The following DNAH17 variants were observed in gnomAD, a reference collection of about 807,000 sequenced individuals.
DNAH17 encodes the protein axonemal beta dynein heavy chain 17.
In DNAH17, 376 loss-of-function variants were observed where a neutral mutation model predicts 485.6. The observed-to-expected ratio is 0.77, with a 90% CI of 0.71 to 0.84. The LOEUF is 0.84. Among genes scored for constraint, DNAH17 ranks in the 40% least tolerant of loss-of-function variants. The pLI is 0.00. For missense variants in DNAH17, 6,370 were observed against 5,839.3 expected, an observed-to-expected ratio of 1.09 and a Z score of -2.96; for synonymous variants, 3,031 against 2,405.9, an observed-to-expected ratio of 1.26 and a Z score of -7.60.
chr17:78,553,720 T>C (rs1267732997), intron 14 of DNAH17, among the ~76,000 whole-genome samples: 2 of 152,250 alleles, frequency 1.3e-5, no homozygotes, highest in Non-Finnish European at 1.5e-5. Context: ...GGTTACTGTT[T>C]TATGTTATAG....
rs771994818 is a variant in DNAH17, at chr17:78,450,396, T to C, written c.10900-2A>G. 10 of 1,613,556 alleles carry C rather than the reference T, an allele frequency of 6.2e-6. No homozygotes were observed. Among genetic ancestry groups the C allele is most frequent in the Non-Finnish European group, 8.5e-6 (10 of 1,179,826 alleles). ...TTCTGTGATTTTTGCCTCCACCACC[T>C]CGACACAAACAAAAGGGGTGTGAAT... is the stretch of plus-strand genomic sequence containing the variant. On this transcript the variant is annotated splice_acceptor_variant, in intron 67 of 80. Coordinates refer to ENST00000389840, the MANE Select transcript of DNAH17 (RefSeq NM_173628.4). LOFTEE classifies it high-confidence loss of function.
intron 19 of DNAH17, among the ~76,000 whole-genome samples, chr17:78,536,535 G>C (rs910674678): frequency 1.3e-5 from 2 of 151,810 alleles, no homozygotes; most frequent in Non-Finnish European, 2.9e-5. Context: ...ACATCACCAA[G>C]CTGGGCTTGG....
rs999383000 is a variant in DNAH17 at position 78,461,581 on chromosome 17, G to T, written c.9302C>A (p.Ala3101Asp). 2.5e-6 allele frequency: 4 copies of T among 1,604,060 alleles called. No individual in the cohort carries two copies. Among genetic ancestry groups the T allele is most frequent in the East Asian group, 4.5e-5 (2 of 44,458 alleles). The change falls in exon 58 of 81, where the codon GCT becomes GAT. Residue 3101 changes from alanine (A) to aspartate (D), a missense_variant. Transcript: ENST00000389840. Reference sequence around the variant, plus strand: ...CTCGACCTTGACTTCTTCCTGGTCAGCAATGGCCTTCTCTTTGCTGACCTT... The same window carrying T: ...CTCGACCTTGACTTCTTCCTGGTCATCAATGGCCTTCTCTTTGCTGACCTT... The part of the protein sequence containing the change: ...AEKVSKEKAI[A>D]DQEEVKVEVI...
At chr17:78,488,511 G>GA (rs2089711450) in intron 44 of DNAH17, among the ~76,000 whole-genome samples, 1 of 152,128 alleles carries the variant, frequency 6.6e-6, no homozygotes, top group South Asian at 2.1e-4. Context: ...TCCCCCTGAG[G>GA]ACTCCACGAT....
intron 62 of DNAH17, among the ~76,000 whole-genome samples, chr17:78,456,907 G>A (rs1231127411): frequency 6.6e-6 from 1 of 152,232 alleles, no homozygotes; most frequent in Non-Finnish European, 1.5e-5. Context: ...AGAAAACACA[G>A]CTTGCAGGCC....
chr17:78,492,060 C>G (rs1328413595), intron 42 of DNAH17, among the ~76,000 whole-genome samples: 1 of 152,090 alleles, frequency 6.6e-6, no homozygotes, highest in Non-Finnish European at 1.5e-5. Flanking sequence ...GAAAGCGGGT[C>G]AGGGGTAGGG....
chr17:78,501,781 C>T lies in DNAH17; in HGVS notation c.5283G>A (p.Val1761=), dbSNP rs945053821. ...TTTTGGCCACCACGTCCCGTGCGTGCACATCGATGGTGCAGATGGTCATGA... is the reference window on the plus strand; with the variant it reads ...TTTTGGCCACCACGTCCCGTGCGTGTACATCGATGGTGCAGATGGTCATGA... ...MKIMTICTID[V]HARDVVAKMI... is the part of the protein sequence containing the mutation. Residue 1761 remains valine (V), a synonymous_variant, in exon 34 of 81, where the codon GTG becomes GTA. Transcript: ENST00000389840. 2 of 1,613,800 alleles carry T rather than the reference C, an allele frequency of 1.2e-6. No individual in the cohort carries two copies. Among genetic ancestry groups the T allele is most frequent in the African/African-American group, 1.3e-5 (1 of 74,942 alleles).
chr17:78,500,373 T>TG lies in DNAH17; in HGVS notation c.5571dup (p.Lys1858GlnfsTer42). 1.2e-6 allele frequency: 2 copies of TG among 1,612,622 alleles called. No homozygotes were observed. Among genetic ancestry groups the TG allele is most frequent in the Non-Finnish European group, 1.7e-6 (2 of 1,179,454 alleles). ...GTGCCCAGGGCTCTGCCCAGGTCCT[T>TG]GGTCGTCTCAGTCTTGCCGGTCCCA... is the stretch of plus-strand genomic sequence containing the variant. On this transcript the variant is annotated frameshift_variant, in exon 36 of 81. Transcript: ENST00000389840. LOFTEE classifies it high-confidence loss of function.
chr17:78,546,171 C>T (rs1307152503), intron 16 of DNAH17, among the ~76,000 whole-genome samples: 1 of 152,154 alleles, frequency 6.6e-6, no homozygotes, highest in Non-Finnish European at 1.5e-5. Context: ...AGCAATACTC[C>T]TGCTTGGGCT....
In DNAH17 at chr17:78,502,065, G is replaced by A. The variant is rs1387947945; in HGVS notation, c.5191-192C>T. 4.2e-5 allele frequency: 29 copies of A among 695,100 alleles called. 2 individuals are homozygous for A. The highest frequency in any genetic ancestry group is 2.7e-4 in the South Asian group (14 of 51,410). The allele number at this position is 695,100 out of a possible 1,614,324, so 43.1% of individuals were successfully genotyped here. A position where few individuals can be genotyped will look rare whatever the true frequency, so the allele number is the denominator to read the frequency against. ...AGGGTGCGGCCCTGATGGGACACCT[G>A]GCAGTGGCTAGCATGGACGTAGTAG... On this transcript the variant is annotated intron_variant, in intron 33 of 80. Coordinates refer to ENST00000389840, the MANE Select transcript of DNAH17 (RefSeq NM_173628.4).
rs765927895 is a variant in DNAH17, at chr17:78,510,417, C to T, written c.4203G>A (p.Val1401=). The change falls in exon 27 of 81, where the codon GTG becomes GTA. Residue 1401 remains valine (V), a synonymous_variant. Transcript: ENST00000389840. ...TGCCCGACTCCTTCACGGCCTTGTC[C>T]ACGATGTTGCGGACCTCATCCTCGT... ...HSYEDEVRNI[V]DKAVKESGME... 1 of 1,613,438 alleles carries T rather than the reference C, an allele frequency of 6.2e-7. No homozygotes were observed. The highest frequency in any genetic ancestry group is 1.3e-5 in the African/African-American group (1 of 74,902).
In DNAH17 at chr17:78,423,945, C is replaced by G. The variant is rs1375267851; in HGVS notation, c.13350G>C (p.Lys4450Asn). 2.5e-6 allele frequency: 4 copies of G among 1,614,024 alleles called. No homozygotes were observed. Among genetic ancestry groups the G allele is most frequent in the Non-Finnish European group, 3.4e-6 (4 of 1,179,902 alleles). ...GCAGCGCCACGGCTGCCAGGATCCA[C>G]TTCGCTGCCTTCTCTTTGGTCTTCA... ...FNLKTKEKAA[K>N]WILAAVALLL... Residue 4450 changes from lysine to asparagine, a missense_variant, in exon 81 of 81, where the codon AAG becomes AAC. Physicochemically the swap from Lys to Asn is moderately conservative, Grantham distance 94. Transcript: ENST00000389840.
At chr17:78,462,004 G>A (rs147858557) in intron 57 of DNAH17, among the ~76,000 whole-genome samples, 63 of 152,078 alleles carry the variant, frequency 4.1e-4, no homozygotes, top group African/African-American at 1.4e-3. Context: ...GACCCTGTCT[G>A]TATAAATAAT....
chr17:78,459,940 G>T lies in DNAH17; in HGVS notation c.9497C>A (p.Ala3166Asp). 6.2e-7 allele frequency: 1 copy of T among 1,613,796 alleles called. No individual in the cohort carries two copies. The highest frequency in any genetic ancestry group is 1.1e-5 in the South Asian group (1 of 91,082). The change falls in exon 60 of 81, where the codon GCC (alanine) becomes GAC (aspartate). Residue 3166 changes from alanine to aspartate, a missense_variant. Ala to Asp is a moderately radical substitution (Grantham distance 126, BLOSUM62 -2). Coordinates refer to ENST00000389840, the MANE Select transcript of DNAH17 (RefSeq NM_173628.4). ...SPPDAVVNVT[A>D]AVMILTAPGG... is the part of the protein sequence containing the mutation. ...AGGTGCGGTCAGAATCATGACGGCGGCGGTGACGTTGACCACAGCATCCGG... is the reference window on the plus strand; with the variant it reads ...AGGTGCGGTCAGAATCATGACGGCGTCGGTGACGTTGACCACAGCATCCGG...
chr17:78,489,184 T>C (rs1007018718), intron 44 of DNAH17, among the ~76,000 whole-genome samples: 8 of 152,234 alleles, frequency 5.3e-5, no homozygotes, highest in African/African-American at 1.9e-4. Flanking sequence ...CACACTGTGC[T>C]GCCTGCCTCC....
rs983220556 is a variant in DNAH17, at chr17:78,486,446, G to T, written c.6879C>A (p.Ile2293=). 4.3e-6 allele frequency: 7 copies of T among 1,613,490 alleles called. No homozygotes were observed. The Admixed American group carries it at 5.0e-5, about 12-fold the overall frequency. ...ACGTGGGCAGGTACTTGTCAAAGAG[G>T]ATCATCAGGTTGGCCTTCTCCGACT... The part of the protein sequence containing the change: ...KVQSEKANLM[I]LFDKYLPTCL... The change falls in exon 45 of 81, where the codon ATC becomes ATA. Residue 2293 remains isoleucine (I), a synonymous_variant. Coordinates refer to ENST00000389840, the MANE Select transcript of DNAH17 (RefSeq NM_173628.4).
chr17:78,436,525 G>C (rs1231058699), intron 74 of DNAH17, among the ~76,000 whole-genome samples: 1 of 152,048 alleles, frequency 6.6e-6, no homozygotes, highest in Non-Finnish European at 1.5e-5. Flanking sequence ...AAAATGCTGA[G>C]GTGCCAAAAG....
chr17:78,470,375 T>C (rs1399620947), intron 54 of DNAH17, among the ~76,000 whole-genome samples: 1 of 149,896 alleles, frequency 6.7e-6, no homozygotes, highest in Non-Finnish European at 1.5e-5. Flanking sequence ...GCCGAAAATG[T>C]CTATTTGTCT....
At position 78,423,954 on chromosome 17, in the gene DNAH17, C is replaced by T. The variant is rs2086240223; in HGVS notation, c.13341G>A (p.Lys4447=). The T allele has an allele frequency of 6.2e-7, 1 of 1,613,998 alleles. No individual in the cohort carries two copies. The highest frequency in any genetic ancestry group is 8.5e-7 in the Non-Finnish European group (1 of 1,179,890). ...CGGCTGCCAGGATCCACTTCGCTGC[C>T]TTCTCTTTGGTCTTCAAGTTAAAGG... ...VWTFNLKTKE[K]AAKWILAAVA... is the part of the protein sequence containing the mutation. Residue 4447 remains lysine (K), a synonymous_variant, in exon 81 of 81, where the codon AAG becomes AAA. Transcript: ENST00000389840.
Sources: gnomAD v4.1 joint callset for allele counts (sites outside exome capture counted in the v4.1 genomes callset) on GRCh38, gnomAD v4.1.1 for gene constraint, MANE v1.5 for transcripts, NCBI Gene and HGNC (gene_info 2026-07-23, HGNC 2026-07-21) for gene names.